Variants in ANK3 observed in about 807,000 individuals in gnomAD.
ANK3 encodes ankyrin 3.
Under a neutral mutation model 370.9 loss-of-function variants are expected in ANK3, and 57 were observed. The observed-to-expected ratio is 0.15, with a 90% CI of 0.12 to 0.19. ANK3 has a LOEUF of 0.19. ANK3 is among the 10% of genes least tolerant of loss of function. ANK3 has a pLI of 1.00. For missense variants in ANK3, 4,439 were observed against 5,302.1 expected (o/e 0.84, Z 5.06); for synonymous variants, 1,929 against 1,946.3 (o/e 0.99, Z 0.23).
intron 1 of ANK3, among the ~76,000 whole-genome samples, chr10:60,653,517 C>T (rs2078820615): frequency 6.6e-6 from 1 of 152,128 alleles, no homozygotes; most frequent in Non-Finnish European, 1.5e-5. Context: ...TGTATCTCTC[C>T]TTTCTCCAAT....
intron 28 of ANK3, among the ~76,000 whole-genome samples, chr10:60,088,693 G>C (rs1207062260): frequency 6.6e-6 from 1 of 152,198 alleles, no homozygotes; most frequent in Admixed American, 6.5e-5. Flanking sequence ...CCAAGGTGCT[G>C]GGATTACAGG....
rs376224844 is a variant in ANK3, at chr10:60,378,813, C to T, written c.114+10612G>A. On this transcript the variant is annotated intron_variant, in intron 1 of 43. Transcript: ENST00000280772. ...TGAGAAAATATTTTATGACTAAGTTCTCAAAAGCACAGGCAAAAGAAGCAA... is the reference window on the plus strand; with the variant it reads ...TGAGAAAATATTTTATGACTAAGTTTTCAAAAGCACAGGCAAAAGAAGCAA... Among the ~76,000 whole-genome samples, 24 of 151,706 alleles carry T rather than the reference C, an allele frequency of 1.6e-4. 1 individual carries two copies. The South Asian group carries it at 3.5e-3, about 22-fold the overall frequency.
chr10:60,195,639 C>A (rs139780975), intron 16 of ANK3, among the ~76,000 whole-genome samples: 36 of 152,230 alleles, frequency 2.4e-4, no homozygotes, highest in African/African-American at 8.7e-4. Context: ...TAGCTATATA[C>A]CCACTCAGTT....
chr10:60,213,519 C>T lies in ANK3; in HGVS notation c.898-9G>A. 1 of 1,563,336 alleles carries T rather than the reference C, an allele frequency of 6.4e-7. No homozygotes were observed. ...AGTGGTGTCAGACCATCCTGTTGAA[C>T]AAAGGAAACATCACCAATTAAATTT... On this transcript the variant is annotated splice_polypyrimidine_tract_variant and intron_variant, in intron 8 of 43. Transcript: ENST00000280772.
At chr10:60,086,083 A>G (rs1440007805) in intron 30 of ANK3, among the ~76,000 whole-genome samples, 1 of 152,206 alleles carries the variant, frequency 6.6e-6, no homozygotes, top group African/African-American at 2.4e-5. Flanking sequence ...ATAATCTTGG[A>G]ATTGCAGTTA....
Position 60,429,740 on chromosome 10 carries a change from C to G in ANK3, c.97-150101G>C, listed in dbSNP as rs143171719. The stretch of plus-strand genomic sequence containing the variant: ...AAAATGGACAAAATTCCCTGTCCTA[C>G]TTTCATCACACGAGTGCTGGAGGAT... On this transcript the variant is annotated intron_variant, in intron 2 of 43. Coordinates refer to the ANK3 transcript ENST00000373827. Among the ~76,000 whole-genome samples, 32 of 152,300 alleles carry G rather than the reference C, an allele frequency of 2.1e-4. No individual in the cohort carries two copies. In the East Asian group the frequency reaches 6.2e-3, roughly 29 times the overall value.
In ANK3 at chr10:60,247,842, A is replaced by G. The variant is rs527622094; in HGVS notation, c.799-13056T>C. Among the ~76,000 whole-genome samples, 7 of 152,138 alleles carry G rather than the reference A, an allele frequency of 4.6e-5. No individual in the cohort carries two copies. The South Asian group carries it at 8.3e-4, about 18-fold the overall frequency. On this transcript the variant is annotated intron_variant, in intron 7 of 43. Transcript: ENST00000280772. ...ATCACCACACCCAGCTAATTTTTGT[A>G]TATTAGTAGAGATGGCATTTCACCA...
chr10:60,575,686 T>C (rs2133272966), intron 2 of ANK3, among the ~76,000 whole-genome samples: 1 of 152,236 alleles, frequency 6.6e-6, no homozygotes, highest in South Asian at 2.1e-4. Flanking sequence ...CCAAAAGAGC[T>C]CCTATGCTAG....
At chr10:60,716,986 T>C (rs1354543615) in intron 1 of ANK3, among the ~76,000 whole-genome samples, 1 of 152,238 alleles carries the variant, frequency 6.6e-6, no homozygotes, top group African/African-American at 2.4e-5. Context: ...TTGCTACTTA[T>C]ACAGCCAGTG....
intron 24 of ANK3, among the ~76,000 whole-genome samples, chr10:60,138,236 G>A (rs1019823781): frequency 6.6e-6 from 1 of 152,162 alleles, no homozygotes; most frequent in African/African-American, 2.4e-5. Flanking sequence ...GGCTTAGAAG[G>A]TTTAATTATT....
chr10:60,347,867 C>T (rs2055973358), intron 1 of ANK3, among the ~76,000 whole-genome samples: 1 of 152,062 alleles, frequency 6.6e-6, no homozygotes, highest in Non-Finnish European at 1.5e-5. Context: ...GGCTCAGGGA[C>T]CAAGTTTTGA....
At chr10:60,436,531 TTTG>T (rs1481594365) in intron 2 of ANK3, among the ~76,000 whole-genome samples, 1 of 152,210 alleles carries the variant, frequency 6.6e-6, no homozygotes. Flanking sequence ...TCATTGTAGT[TTTG>T]TTTAGATTTC....
In ANK3 at chr10:60,239,256, G is replaced by A. The variant is rs76530586; in HGVS notation, c.799-4470C>T. 7.9e-3 allele frequency among the ~76,000 whole-genome samples: 1,209 copies of A among 152,138 alleles called. 15 individuals are homozygous for A. Among genetic ancestry groups the A allele is most frequent in the African/African-American group, 0.028 (1,164 of 41,508 alleles). ...GAATGGTCAAGAATTTTCTTGGAGT[G>A]ATGAAAGGCAGAAAAATACAAATCC... On this transcript the variant is annotated intron_variant, in intron 7 of 43. Transcript: ENST00000280772.
At chr10:60,497,937 T>C (rs1214268895) in intron 2 of ANK3, among the ~76,000 whole-genome samples, 2 of 152,186 alleles carry the variant, frequency 1.3e-5, no homozygotes, top group Non-Finnish European at 2.9e-5. Flanking sequence ...CAGCATCTCT[T>C]AGGAAAGGAA....
At chr10:60,290,503 TA>T (rs897135546) in intron 1 of ANK3, among the ~76,000 whole-genome samples, 3 of 151,922 alleles carry the variant, frequency 2.0e-5, no homozygotes, top group Non-Finnish European at 2.9e-5. Context: ...CTTAACCAAT[TA>T]AAAAAAATGC....
intron 8 of ANK3, among the ~76,000 whole-genome samples, chr10:60,225,674 A>G (rs1311752121): frequency 6.6e-6 from 1 of 152,084 alleles, no homozygotes; most frequent in Non-Finnish European, 1.5e-5. Flanking sequence ...CATACCGCCT[A>G]TATGTTTAAA....
intron 1 of ANK3, among the ~76,000 whole-genome samples, chr10:60,332,264 C>G (rs942881462): frequency 6.6e-6 from 1 of 152,144 alleles, no homozygotes; most frequent in Non-Finnish European, 1.5e-5. Context: ...TTATTCAGAA[C>G]GACTAGCAAT....
chr10:60,627,498 T>G (rs1376863186), intron 1 of ANK3, among the ~76,000 whole-genome samples: 1 of 152,140 alleles, frequency 6.6e-6, no homozygotes, highest in South Asian at 2.1e-4. Context: ...CAAGGCTAAT[T>G]AATCATTGTT....
Position 60,051,504 on chromosome 10 carries a change from G to A in ANK3, c.13065+4154C>T, listed in dbSNP as rs546450262. On this transcript the variant is annotated intron_variant, in intron 42 of 43. Coordinates refer to ENST00000280772, the MANE Select transcript of ANK3 (RefSeq NM_020987.5). The stretch of plus-strand genomic sequence containing the variant: ...ATAATCAAACGCCGGCGAATAACTC[G>A]GGTAGTGACTCTCCGCTCTTCCTCT... 107 of 985,094 alleles carry A rather than the reference G, an allele frequency of 1.1e-4. No individual in the cohort carries two copies. In the South Asian group the frequency reaches 4.5e-3, roughly 42 times the overall value. The allele number at this position is 985,094 out of a possible 1,614,324, so 61.0% of individuals were successfully genotyped here.
Sources: allele counts gnomAD v4.1 joint callset (sites outside exome capture counted in the v4.1 genomes callset), GRCh38; gene constraint gnomAD v4.1.1; transcripts MANE v1.5; gene names NCBI Gene and HGNC (gene_info 2026-07-23, HGNC 2026-07-21).